The following EPHA6 variants were observed in gnomAD, a reference collection of about 807,000 sequenced individuals.
The protein encoded by EPHA6 is ephrin type-A receptor 6.
EPHA6 carries 50 observed loss-of-function variants against 112.0 expected under a neutral mutation model. The observed-to-expected ratio is 0.45, with a 90% CI of 0.36 to 0.56. The LOEUF is 0.56. Among genes scored for constraint, EPHA6 ranks in the 20% least tolerant of loss-of-function variants. The pLI, the probability that EPHA6 is intolerant of heterozygous loss-of-function variation, is 0.00. For synonymous variants in EPHA6, 529 were observed against 490.7 expected, an observed-to-expected ratio of 1.08 and a Z score of -1.03; for missense variants, 1,280 against 1,417.4, an observed-to-expected ratio of 0.90 and a Z score of 1.56.
intron 3 of EPHA6, among the ~76,000 whole-genome samples, chr3:97,175,526 A>T (rs58495373): frequency 0.051 from 7,683 of 152,008 alleles, 669 homozygotes; most frequent in African/African-American, 0.18. Context: ...ACCCATGAAC[A>T]TGGAATATTT....
chr3:97,136,225 C>T (rs2075765086), intron 3 of EPHA6, among the ~76,000 whole-genome samples: 1 of 152,066 alleles, frequency 6.6e-6, no homozygotes, highest in South Asian at 2.1e-4. Context: ...TATTATGAGT[C>T]AGCAAAAGCA....
At chr3:97,358,744 T>C (rs1170162520) in intron 5 of EPHA6, among the ~76,000 whole-genome samples, 1 of 152,154 alleles carries the variant, frequency 6.6e-6, no homozygotes, top group Non-Finnish European at 1.5e-5. Flanking sequence ...AGAGGAAGTC[T>C]ACTCATAATC....
intron 2 of EPHA6, among the ~76,000 whole-genome samples, chr3:96,883,987 A>G (rs911888184): frequency 6.6e-6 from 1 of 151,818 alleles, no homozygotes; most frequent in African/African-American, 2.4e-5. Context: ...TCCTTTCCCC[A>G]TTTTATGTTT....
chr3:97,744,584 GGAGA>G (rs1267878939), intron 16 of EPHA6, among the ~76,000 whole-genome samples: 1 of 151,916 alleles, frequency 6.6e-6, no homozygotes, highest in Non-Finnish European at 1.5e-5. Flanking sequence ...GAAGATGCGT[GGAGA>G]GAAAGGGAAT....
chr3:96,981,964 G>T (rs1420619552), intron 2 of EPHA6, among the ~76,000 whole-genome samples: 2 of 151,836 alleles, frequency 1.3e-5, no homozygotes, highest in African/African-American at 4.8e-5. Context: ...TATTAGTCCT[G>T]CTAGCGGTCT....
At chr3:97,483,226 T>A (rs1354076107) in intron 9 of EPHA6, among the ~76,000 whole-genome samples, 1 of 152,226 alleles carries the variant, frequency 6.6e-6, no homozygotes, top group African/African-American at 2.4e-5. Flanking sequence ...TTTCTCATCA[T>A]CCTAACTGCC....
At chr3:97,592,004 A>G (rs2093549630) in intron 11 of EPHA6, among the ~76,000 whole-genome samples, 1 of 152,176 alleles carries the variant, frequency 6.6e-6, no homozygotes, top group Non-Finnish European at 1.5e-5. Flanking sequence ...TTTTCTTTAC[A>G]ATATCCTTCT....
At chr3:97,140,678 G>A (rs531523153) in intron 3 of EPHA6, among the ~76,000 whole-genome samples, 166 of 152,190 alleles carry the variant, frequency 1.1e-3, no homozygotes, top group African/African-American at 3.8e-3. Context: ...AGAGCTCAAA[G>A]GAATTCTAAA....
chr3:96,847,572 T>C (rs2035142432), intron 1 of EPHA6, among the ~76,000 whole-genome samples: 1 of 152,086 alleles, frequency 6.6e-6, no homozygotes. Flanking sequence ...AATAAACAGG[T>C]ATATCAGTAT....
intron 4 of EPHA6, among the ~76,000 whole-genome samples, chr3:97,233,833 A>G (rs1458107679): frequency 6.6e-6 from 1 of 152,166 alleles, no homozygotes; most frequent in Admixed American, 6.5e-5. Flanking sequence ...TAAAATGAAG[A>G]ACTAAAATTG....
At chr3:97,727,672 A>G (rs2034836952) in intron 15 of EPHA6, among the ~76,000 whole-genome samples, 2 of 152,090 alleles carry the variant, frequency 1.3e-5, no homozygotes, top group Non-Finnish European at 1.5e-5. Flanking sequence ...TCTATAATAC[A>G]GAGGAATTTT....
chr3:97,623,661 C>A (rs1170043185), intron 13 of EPHA6, among the ~76,000 whole-genome samples: 1 of 151,554 alleles, frequency 6.6e-6, no homozygotes, highest in Admixed American at 6.6e-5. Flanking sequence ...TCTTTTCACC[C>A]TCTTTTACAA....
chr3:97,730,988 G>T (rs1187794311), intron 15 of EPHA6, among the ~76,000 whole-genome samples: 2 of 152,102 alleles, frequency 1.3e-5, no homozygotes, highest in Non-Finnish European at 2.9e-5. Context: ...AATTTCAGAT[G>T]TGGGAGGAAC....
At chr3:97,047,520 AAG>A (rs1553694420) in intron 3 of EPHA6, among the ~76,000 whole-genome samples, 14 of 150,202 alleles carry the variant, frequency 9.3e-5, no homozygotes, top group African/African-American at 1.5e-4. Context: ...AAAAAAAAAA[AAG>A]AAACCAGAAG....
chr3:97,595,017 A>T (rs1398239369), intron 12 of EPHA6, among the ~76,000 whole-genome samples: 2 of 152,232 alleles, frequency 1.3e-5, no homozygotes, highest in Non-Finnish European at 2.9e-5. Context: ...TAAAAGAGAT[A>T]CGTGACTATG....
At chr3:97,101,256 C>G (rs1398868864) in intron 3 of EPHA6, among the ~76,000 whole-genome samples, 3 of 151,924 alleles carry the variant, frequency 2.0e-5, no homozygotes, top group Admixed American at 6.6e-5. Context: ...TTGCAGATAT[C>G]TATTCTAACC....
At chr3:96,953,786 C>T (rs2041648421) in intron 2 of EPHA6, among the ~76,000 whole-genome samples, 1 of 152,216 alleles carries the variant, frequency 6.6e-6, no homozygotes, top group Non-Finnish European at 1.5e-5. Context: ...TTAGCAAATC[C>T]TGTCCAGTGA....
At chr3:97,108,498 A>G (rs578262799) in intron 3 of EPHA6, among the ~76,000 whole-genome samples, 1 of 152,278 alleles carries the variant, frequency 6.6e-6, no homozygotes, top group African/African-American at 2.4e-5. Flanking sequence ...TTGCCAAGGA[A>G]AGTACATAAG....
At chr3:97,553,906 T>C (rs1210915199) in intron 11 of EPHA6, among the ~76,000 whole-genome samples, 1 of 152,156 alleles carries the variant, frequency 6.6e-6, no homozygotes, top group Non-Finnish European at 1.5e-5. Context: ...ATTTCTTTGG[T>C]TTTGATACTT....
Sources: allele counts gnomAD v4.1 joint callset (sites outside exome capture counted in the v4.1 genomes callset), GRCh38; gene constraint gnomAD v4.1.1; transcripts MANE v1.5; gene names NCBI Gene and HGNC (gene_info 2026-07-23, HGNC 2026-07-21).